SP140L: variants seen among roughly 807,000 people sequenced by gnomAD.
SP140L encodes the protein nuclear body protein SP140-like protein.
Under a neutral mutation model 84.3 loss-of-function variants are expected in SP140L, and 64 were observed. That is an observed-to-expected ratio of 0.76 (90% CI 0.62 to 0.94). The LOEUF (loss-of-function observed/expected upper bound fraction) is 0.94, where lower values mean the gene tolerates loss of function less well. Ranked by LOEUF, SP140L falls within the 40% of genes least tolerant of loss-of-function variation. The pLI is 0.00. For synonymous variants in SP140L, 242 were observed against 236.9 expected (o/e 1.02, Z -0.20); for missense variants, 628 against 692.5 (o/e 0.91, Z 1.05).
intron 4 of SP140L, among the ~76,000 whole-genome samples, chr2:230,359,529 A>G (rs574933948): frequency 2.0e-5 from 3 of 152,328 alleles, no homozygotes; most frequent in African/African-American, 7.2e-5. Flanking sequence ...TGCAGGATCC[A>G]CTTTGGCATA....
At chr2:230,383,410 G>T in intron 7 of SP140L, 100 bp from the exon 8 acceptor site, 2 of 1,311,570 alleles carry the variant, frequency 1.5e-6, no homozygotes, top group South Asian at 3.1e-5. Context: ...CATTCCTGTG[G>T]ACCAAAGTAT....
chr2:230,343,843 G>A (rs1342409453), intron 2 of SP140L, among the ~76,000 whole-genome samples: 2 of 152,092 alleles, frequency 1.3e-5, no homozygotes, highest in East Asian at 3.9e-4. Context: ...TTTTATGGCT[G>A]CTTTCTTAAT....
Position 230,389,984 on chromosome 2 carries a change from G to A in SP140L, c.925G>A (p.Gly309Arg). ...QAPLLPVTCG[G>R]VKGILHKEKL... ...TCCTTTACTTCCAGTGACCTGTGGT[G>A]GGGTGAAGGGAATTTTACATAAGGA... is the stretch of plus-strand genomic sequence containing the variant. Residue 309 changes from glycine to arginine, a missense_variant, in exon 11 of 19, where the codon GGG becomes AGG. By Grantham distance (125) the Gly-to-Arg change is moderately radical. Coordinates refer to ENST00000415673, the MANE Select transcript of SP140L (RefSeq NM_138402.6). The A allele has an allele frequency of 6.2e-7, 1 of 1,613,816 alleles. No individual in the cohort carries two copies. The highest frequency in any genetic ancestry group is 8.5e-7 in the Non-Finnish European group (1 of 1,179,796).
At chr2:230,373,866 C>T (rs2061163118) in intron 7 of SP140L, among the ~76,000 whole-genome samples, 6 of 152,094 alleles carry the variant, frequency 3.9e-5, no homozygotes, top group Admixed American at 2.6e-4. Context: ...TTTCACATTG[C>T]GATTAAGAAC....
At chr2:230,380,689 CT>C (rs1418725135) in intron 7 of SP140L, among the ~76,000 whole-genome samples, 3 of 152,104 alleles carry the variant, frequency 2.0e-5, no homozygotes, top group African/African-American at 7.2e-5. Flanking sequence ...TCCATGATAA[CT>C]TAATTTGGGT....
chr2:230,399,296 T>G (rs1052395731), intron 14 of SP140L, among the ~76,000 whole-genome samples: 6 of 152,346 alleles, frequency 3.9e-5, no homozygotes, highest in African/African-American at 1.4e-4. Flanking sequence ...AATTAAATCT[T>G]GCTAAAGGTC....
chr2:230,365,771 A>G (rs895608326), intron 5 of SP140L, among the ~76,000 whole-genome samples: 1 of 152,056 alleles, frequency 6.6e-6, no homozygotes, highest in Non-Finnish European at 1.5e-5. Flanking sequence ...TTATTGCTAC[A>G]AACTCCTCTT....
At chr2:230,361,194 C>A (rs2060705135) in intron 4 of SP140L, among the ~76,000 whole-genome samples, 1 of 152,166 alleles carries the variant, frequency 6.6e-6, no homozygotes, top group South Asian at 2.1e-4. Context: ...TCAGGAGATG[C>A]TCCTGCGTCA....
Position 230,374,031 on chromosome 2 carries a change from A to G in SP140L, c.637+2380A>G, listed in dbSNP as rs538088557. 5.3e-5 allele frequency among the ~76,000 whole-genome samples: 8 copies of G among 152,278 alleles called. No individual in the cohort carries two copies. The South Asian group carries it at 1.7e-3, about 32-fold the overall frequency. ...GAAATATCAAGAAAACTAGAATTAG[A>G]AGTGGAGGTTGCAGTGGTTCCCACC... On this transcript the variant is annotated intron_variant, in intron 7 of 18. Transcript: ENST00000415673.
intron 2 of SP140L, among the ~76,000 whole-genome samples, chr2:230,334,220 T>A (rs188476405): frequency 1.8e-4 from 27 of 152,336 alleles, no homozygotes; most frequent in Admixed American, 1.5e-3. Context: ...CTTCCAGAGT[T>A]TGAAAGCATA....
chr2:230,381,302 A>G (rs760068613), intron 7 of SP140L, among the ~76,000 whole-genome samples: 3 of 152,156 alleles, frequency 2.0e-5, no homozygotes, highest in African/African-American at 4.8e-5. Flanking sequence ...TCTCCACTTT[A>G]TACTGGTCAG....
At chr2:230,371,545 A>G (rs1258040344) in intron 6 of SP140L, 53 bp from the exon 7 acceptor site, 31 of 1,427,668 alleles carry the variant, frequency 2.2e-5, no homozygotes, top group Non-Finnish European at 2.7e-5. Context: ...CCTAAAATCT[A>G]TAACTTTTAT....
At chr2:230,370,685 AG>A (rs1559436024) in intron 5 of SP140L, among the ~76,000 whole-genome samples, 1 of 152,124 alleles carries the variant, frequency 6.6e-6, no homozygotes, top group African/African-American at 2.4e-5. Context: ...AATGAAAAAA[AG>A]ACAAAAGAGG....
chr2:230,385,331 A>T (rs374323175), intron 9 of SP140L, 27 bp downstream of exon 9: 1 of 1,607,136 alleles, frequency 6.2e-7, no homozygotes, highest in East Asian at 2.2e-5. Flanking sequence ...ACCACTTTTC[A>T]TTTGCCCTGC....
intron 2 of SP140L, among the ~76,000 whole-genome samples, chr2:230,354,891 AAG>A (rs1246649001): frequency 6.6e-6 from 1 of 150,556 alleles, no homozygotes; most frequent in Non-Finnish European, 1.5e-5. Flanking sequence ...GAAAGAAAGA[AAG>A]AAAGGAAAGA....
intron 2 of SP140L, among the ~76,000 whole-genome samples, chr2:230,349,720 T>C (rs1019004000): frequency 1.3e-5 from 2 of 152,134 alleles, no homozygotes; most frequent in Admixed American, 1.3e-4. Context: ...TAAATATACT[T>C]ACTCTAGGCT....
At chr2:230,334,382 C>T (rs1162447260) in intron 2 of SP140L, among the ~76,000 whole-genome samples, 1 of 152,162 alleles carries the variant, frequency 6.6e-6, no homozygotes, top group Non-Finnish European at 1.5e-5. Context: ...TCCCTGGTTC[C>T]TGCTGCTTTT....
At chr2:230,366,668 C>T (rs2060878837) in intron 5 of SP140L, among the ~76,000 whole-genome samples, 1 of 148,534 alleles carries the variant, frequency 6.7e-6, no homozygotes, top group Admixed American at 6.8e-5. Flanking sequence ...CCTACTACAA[C>T]TATTTTGTTC....
intron 2 of SP140L, among the ~76,000 whole-genome samples, chr2:230,336,349 T>C (rs1292711841): frequency 6.6e-6 from 1 of 152,238 alleles, no homozygotes; most frequent in Non-Finnish European, 1.5e-5. Context: ...TTTTGCAGCC[T>C]GTTGCAACAG....
Sources: allele counts gnomAD v4.1 joint callset (sites outside exome capture counted in the v4.1 genomes callset), GRCh38; gene constraint gnomAD v4.1.1; transcripts MANE v1.5; gene names NCBI Gene and HGNC (gene_info 2026-07-23, HGNC 2026-07-21).